Variants in UNC5D observed in about 807,000 individuals in gnomAD.
UNC5D encodes the protein netrin receptor UNC5D.
In UNC5D, 39 loss-of-function variants were observed where a neutral mutation model predicts 105.4. The ratio of observed to expected loss-of-function variants is 0.37; its 90% CI spans 0.29 to 0.48. The LOEUF is 0.48. Ranked by LOEUF, UNC5D falls within the 20% of genes least tolerant of loss-of-function variation. UNC5D has a pLI of 0.98. For synonymous variants in UNC5D, 452 were observed against 450.4 expected, an observed-to-expected ratio of 1.00 and a Z score of -0.04; for missense variants, 991 against 1,202.4, an observed-to-expected ratio of 0.82 and a Z score of 2.60.
chr8:35,286,187 A>G (rs1397846340), intron 1 of UNC5D, among the ~76,000 whole-genome samples: 2 of 152,210 alleles, frequency 1.3e-5, no homozygotes, highest in African/African-American at 4.8e-5. Context: ...TATGACTTTA[A>G]GAAAGTGTGA....
intron 3 of UNC5D, among the ~76,000 whole-genome samples, chr8:35,574,239 A>T (rs921641178): frequency 1.3e-5 from 2 of 152,168 alleles, no homozygotes; most frequent in African/African-American, 4.8e-5. Flanking sequence ...AACTTTTCTT[A>T]ACACTTGGGC....
At chr8:35,268,065 A>G (rs1387546496) in intron 1 of UNC5D, among the ~76,000 whole-genome samples, 17 of 152,278 alleles carry the variant, frequency 1.1e-4, no homozygotes, top group South Asian at 8.3e-4. Context: ...TTAATTTATG[A>G]TTTTTTTGTT....
intron 1 of UNC5D, among the ~76,000 whole-genome samples, chr8:35,378,578 CA>C (rs1175526703): frequency 5.9e-5 from 9 of 152,168 alleles, no homozygotes; most frequent in African/African-American, 1.9e-4. Context: ...GTGAATCATC[CA>C]GCATTCATAC....
At chr8:35,277,394 T>A (rs887170481) in intron 1 of UNC5D, among the ~76,000 whole-genome samples, 1 of 152,022 alleles carries the variant, frequency 6.6e-6, no homozygotes, top group African/African-American at 2.4e-5. Context: ...TTGTGGAGAG[T>A]TTTTGATTAC....
chr8:35,491,083 C>T lies in UNC5D; in HGVS notation c.104-58209C>T, dbSNP rs147490245. Among the ~76,000 whole-genome samples, 9 of 151,908 alleles carry T rather than the reference C, an allele frequency of 5.9e-5. No homozygotes were observed. The East Asian group carries it at 7.7e-4, about 13-fold the overall frequency. On this transcript the variant is annotated intron_variant, in intron 1 of 16. Coordinates refer to ENST00000404895, the MANE Select transcript of UNC5D (RefSeq NM_080872.4). ...TGCCTATTTTTTACTACCTGAACTTCGCTGCTTTAATATTACTTATTAAGG... is the reference window on the plus strand; with the variant it reads ...TGCCTATTTTTTACTACCTGAACTTTGCTGCTTTAATATTACTTATTAAGG...
chr8:35,726,224 G>A lies in UNC5D; in HGVS notation c.1376G>A (p.Cys459Tyr), dbSNP rs767447441. Residue 459 changes from cysteine to tyrosine, a missense_variant, in exon 10 of 17, where the codon TGT (cysteine) becomes TAT (tyrosine). Cys to Tyr is a radical substitution (Grantham distance 194). Around this residue, in one of 3 missense-constraint regions of UNC5D, gnomAD observed 944 missense variants for 1,131.6 expected, o/e 0.83. Coordinates refer to ENST00000404895, the MANE Select transcript of UNC5D (RefSeq NM_080872.4). ...AGCCGGACATACAGCGGACCCATCT[G>A]TCTGCAGGACCCTCTGGACAAGGAG... The part of the protein sequence containing the change: ...TVSRTYSGPI[C>Y]LQDPLDKELM... The A allele has an allele frequency of 1.9e-6, 3 of 1,614,174 alleles. No individual in the cohort carries two copies. Among genetic ancestry groups the A allele is most frequent in the Non-Finnish European group, 1.7e-6 (2 of 1,180,022 alleles).
chr8:35,540,239 A>G (rs780931707), intron 1 of UNC5D, among the ~76,000 whole-genome samples: 4 of 152,214 alleles, frequency 2.6e-5, no homozygotes, highest in Non-Finnish European at 5.9e-5. Flanking sequence ...CCATATTCTC[A>G]GCAAGATATT....
chr8:35,380,464 G>A (rs879308964), intron 1 of UNC5D, among the ~76,000 whole-genome samples: 3 of 152,080 alleles, frequency 2.0e-5, no homozygotes, highest in Admixed American at 6.6e-5. Context: ...TATGACACAC[G>A]TAAACTTTTC....
chr8:35,769,102 C>T (rs1801898472), intron 15 of UNC5D, among the ~76,000 whole-genome samples: 1 of 152,122 alleles, frequency 6.6e-6, no homozygotes. Flanking sequence ...TTTCAGATAT[C>T]ATTTCATTTG....
intron 1 of UNC5D, among the ~76,000 whole-genome samples, chr8:35,470,509 A>C (rs1809627564): frequency 6.6e-6 from 1 of 150,854 alleles, no homozygotes. Flanking sequence ...TAATCTCAGC[A>C]CTTTGGGAGG....
chr8:35,615,871 G>A (rs569233291), intron 4 of UNC5D, among the ~76,000 whole-genome samples: 2 of 152,258 alleles, frequency 1.3e-5, no homozygotes, highest in Non-Finnish European at 2.9e-5. Flanking sequence ...ACTGTGGGCT[G>A]CACATAGTAG....
chr8:35,363,522 T>C lies in UNC5D; in HGVS notation c.103+127635T>C, dbSNP rs1801957784. The stretch of plus-strand genomic sequence containing the variant: ...TATAAGCTATATGTCCACTTGGGCA[T>C]CTCTGGTATTTCTTCAGGGTTGTAT... On this transcript the variant is annotated intron_variant, in intron 1 of 16. Transcript: ENST00000404895. Among the ~76,000 whole-genome samples, 5 of 152,164 alleles carry C rather than the reference T, an allele frequency of 3.3e-5. No homozygotes were observed. The South Asian group carries it at 1.0e-3, about 31-fold the overall frequency.
chr8:35,367,260 A>C (rs1345993573), intron 1 of UNC5D, among the ~76,000 whole-genome samples: 4 of 152,196 alleles, frequency 2.6e-5, no homozygotes, highest in Admixed American at 6.5e-5. Flanking sequence ...TTATTGAAAG[A>C]GTGATATGTA....
At chr8:35,362,359 T>C (rs1801903324) in intron 1 of UNC5D, among the ~76,000 whole-genome samples, 1 of 152,188 alleles carries the variant, frequency 6.6e-6, no homozygotes, top group Admixed American at 6.5e-5. Flanking sequence ...GTAAAGCACT[T>C]AGCCCAGAGC....
intron 1 of UNC5D, among the ~76,000 whole-genome samples, chr8:35,439,963 G>T (rs1807286874): frequency 6.6e-6 from 1 of 152,042 alleles, no homozygotes; most frequent in Non-Finnish European, 1.5e-5. Context: ...TCAGTTGTAA[G>T]AAAGTACATC....
intron 1 of UNC5D, among the ~76,000 whole-genome samples, chr8:35,305,593 C>CTTTCTTTCT (rs1808305366): frequency 7.0e-5 from 10 of 142,128 alleles, no homozygotes; most frequent in East Asian, 6.3e-4. Flanking sequence ...TTCTTTCTTT[C>CTTTCTTTCT]TTTCTTTCTT....
intron 1 of UNC5D, among the ~76,000 whole-genome samples, chr8:35,248,870 A>T (rs1158569826): frequency 1.7e-4 from 16 of 91,758 alleles, no homozygotes; most frequent in African/African-American, 7.9e-4. Context: ...ATAATAATAT[A>T]AAAATATATA....
At chr8:35,774,081 G>A (rs1167628108) in intron 15 of UNC5D, among the ~76,000 whole-genome samples, 5 of 152,142 alleles carry the variant, frequency 3.3e-5, no homozygotes, top group Admixed American at 2.6e-4. Context: ...AGTGGAAGAG[G>A]CTGTTGTAAA....
chr8:35,642,965 G>A lies in UNC5D; in HGVS notation c.571-40582G>A, dbSNP rs540434604. ...TTTGTTGAACAGTGTTAATGCCCAC[G>A]GAGCAGGCTTAGAAACATGCTAGGA... On this transcript the variant is annotated intron_variant, in intron 4 of 16. Coordinates refer to ENST00000404895, the MANE Select transcript of UNC5D (RefSeq NM_080872.4). Among the ~76,000 whole-genome samples, 479 of 152,190 alleles carry A rather than the reference G, an allele frequency of 3.1e-3. 3 individuals are homozygous for A. Among genetic ancestry groups the A allele is most frequent in the African/African-American group, 0.01 (433 of 41,524 alleles).
Sources: gnomAD v4.1 joint callset for allele counts (sites outside exome capture counted in the v4.1 genomes callset) on GRCh38, gnomAD v4.1.1 for gene constraint, gnomAD v4.1.1 regional missense constraint, MANE v1.5 for transcripts, NCBI Gene and HGNC (gene_info 2026-07-23, HGNC 2026-07-21) for gene names.